Variants in LRRC63 observed in about 807,000 individuals in gnomAD.
LRRC63 encodes the protein leucine-rich repeat-containing protein 63.
LRRC63 carries 40 observed loss-of-function variants against 49.5 expected under a neutral mutation model. The ratio of observed to expected loss-of-function variants is 0.81; its 90% confidence interval spans 0.63 to 1.05. The LOEUF (loss-of-function observed/expected upper bound fraction) is 1.05, where lower values mean the gene tolerates loss of function less well. Among genes scored for constraint, LRRC63 ranks in the 50% least tolerant of loss-of-function variants. The pLI is 0.00. For synonymous variants in LRRC63, 191 were observed against 221.1 expected, an observed-to-expected ratio of 0.86 and a Z score of 1.21; for missense variants, 636 against 663.1, an observed-to-expected ratio of 0.96 and a Z score of 0.45.
chr13:46,246,999 C>T (rs545892990), intron 6 of LRRC63, among the ~76,000 whole-genome samples: 40 of 152,050 alleles, frequency 2.6e-4, no homozygotes, highest in Admixed American at 1.8e-3. Flanking sequence ...AATTACCAAA[C>T]GATAAAATAT....
intron 5 of LRRC63, among the ~76,000 whole-genome samples, chr13:46,239,427 A>G (rs1325976787): frequency 6.6e-6 from 1 of 152,176 alleles, no homozygotes; most frequent in Non-Finnish European, 1.5e-5. Flanking sequence ...TCCTCCCAAG[A>G]CTGAACCAGG....
chr13:46,250,659 A>G (rs994707358), intron 7 of LRRC63, among the ~76,000 whole-genome samples, 168 bp downstream of exon 7: 3 of 151,972 alleles, frequency 2.0e-5, no homozygotes, highest in Non-Finnish European at 2.9e-5. Context: ...CAATCCTACC[A>G]GCTACATACA....
chr13:46,237,492 A>C (rs1231864889), intron 5 of LRRC63, among the ~76,000 whole-genome samples: 1 of 152,186 alleles, frequency 6.6e-6, no homozygotes, highest in Non-Finnish European at 1.5e-5. Context: ...GGGTATGTGG[A>C]GAAGAAAAAT....
intron 7 of LRRC63, among the ~76,000 whole-genome samples, chr13:46,255,019 A>C (rs1195466087): frequency 1.3e-5 from 2 of 152,226 alleles, no homozygotes; most frequent in East Asian, 1.9e-4. Flanking sequence ...TCAAATGTCC[A>C]TTAACAGATT....
intron 9 of LRRC63, among the ~76,000 whole-genome samples, chr13:46,271,621 T>C (rs1372551062): frequency 6.6e-6 from 1 of 151,992 alleles, no homozygotes; most frequent in Non-Finnish European, 1.5e-5. Flanking sequence ...AGTCACTCAG[T>C]CTCACATACT....
chr13:46,269,906 C>T (rs868809719), intron 9 of LRRC63, among the ~76,000 whole-genome samples: 3,062 of 145,600 alleles, frequency 0.021, 60 homozygotes, highest in Non-Finnish European at 0.032. Flanking sequence ...ACACTATATA[C>T]ATATATATAT....
At chr13:46,238,462 T>C (rs1334114688) in intron 5 of LRRC63, among the ~76,000 whole-genome samples, 1 of 144,232 alleles carries the variant, frequency 6.9e-6, no homozygotes, top group Non-Finnish European at 1.5e-5. Context: ...TGAGACTGGG[T>C]AATTTATTAA....
At chr13:46,227,035 T>G (rs1254859894) in intron 2 of LRRC63, among the ~76,000 whole-genome samples, 2 of 152,242 alleles carry the variant, frequency 1.3e-5, no homozygotes, top group Non-Finnish European at 2.9e-5. Context: ...GTAACCACTA[T>G]CAGATTGTTA....
At chr13:46,247,953 A>G (rs1215759686) in intron 6 of LRRC63, among the ~76,000 whole-genome samples, 1 of 152,128 alleles carries the variant, frequency 6.6e-6, no homozygotes, top group East Asian at 1.9e-4. Context: ...GGTCTGTAAC[A>G]TATATGGATA....
At position 46,270,305 on chromosome 13, in the gene LRRC63, C is replaced by T. The variant is rs777376288; in HGVS notation, c.1550+3333C>T. The T allele has an allele frequency of 4.8e-6, 4 of 840,992 alleles. No homozygotes were observed. In the African/African-American group the frequency reaches 5.0e-5, roughly 10 times the overall value. The allele number at this position is 840,992 out of a possible 1,614,324, so 52.1% of individuals were successfully genotyped here. ...TCAGATCAGTCCCAACTGTAGCAGACTTCAGAACAAGGTCTCTGGGAAATT... is the reference window on the plus strand; with the variant it reads ...TCAGATCAGTCCCAACTGTAGCAGATTTCAGAACAAGGTCTCTGGGAAATT... On this transcript the variant is annotated intron_variant, in intron 9 of 9. Coordinates refer to ENST00000595396, the Ensembl canonical transcript of LRRC63.
intron 4 of LRRC63, among the ~76,000 whole-genome samples, chr13:46,229,180 A>G (rs1015834335): frequency 3.9e-5 from 6 of 152,244 alleles, no homozygotes; most frequent in African/African-American, 1.2e-4. Context: ...GAAAACTAGC[A>G]GAAACAATAA....
chr13:46,261,341 C>T (rs1029797952), intron 7 of LRRC63, among the ~76,000 whole-genome samples: 4 of 152,170 alleles, frequency 2.6e-5, no homozygotes, highest in African/African-American at 9.7e-5. Flanking sequence ...CTTATACTAA[C>T]TTGGATAAGG....
At chr13:46,238,804 G>C (rs1400073427) in intron 5 of LRRC63, among the ~76,000 whole-genome samples, 1 of 152,140 alleles carries the variant, frequency 6.6e-6, no homozygotes, top group Non-Finnish European at 1.5e-5. Context: ...TTGGACCACA[G>C]TACAATGAAA....
intron 5 of LRRC63, among the ~76,000 whole-genome samples, chr13:46,239,009 C>T (rs1019639597): frequency 2.0e-5 from 3 of 152,198 alleles, no homozygotes; most frequent in Non-Finnish European, 2.9e-5. Flanking sequence ...AAATTCATAG[C>T]ACTGAATGTC....
chr13:46,220,972 A>G (rs1327522991), intron 2 of LRRC63, among the ~76,000 whole-genome samples: 3 of 152,102 alleles, frequency 2.0e-5, no homozygotes, highest in Non-Finnish European at 2.9e-5. Context: ...ACCCAATCAG[A>G]CTGCCTTTTT....
At chr13:46,253,351 G>T (rs1171753690) in intron 7 of LRRC63, among the ~76,000 whole-genome samples, 1 of 151,930 alleles carries the variant, frequency 6.6e-6, no homozygotes, top group Non-Finnish European at 1.5e-5. Context: ...TAAAGGAAAA[G>T]GGGCATGATC....
chr13:46,269,721 A>G (rs2047729000), intron 9 of LRRC63, among the ~76,000 whole-genome samples: 1 of 150,674 alleles, frequency 6.6e-6, no homozygotes, highest in Non-Finnish European at 1.5e-5. Flanking sequence ...ATAAGATACT[A>G]TCAATGAAAT....
chr13:46,264,336 G>A (rs2047653233), intron 8 of LRRC63, among the ~76,000 whole-genome samples: 2 of 151,866 alleles, frequency 1.3e-5, no homozygotes, highest in Non-Finnish European at 2.9e-5. Context: ...CATCTGTTTC[G>A]TATTTTCTTC....
At chr13:46,274,646 G>A (rs903906263) in intron 9 of LRRC63, among the ~76,000 whole-genome samples, 1 of 152,174 alleles carries the variant, frequency 6.6e-6, no homozygotes, top group African/African-American at 2.4e-5. Flanking sequence ...GAAGACTCAT[G>A]TTCCACAGAT....
Sources: allele counts gnomAD v4.1 joint callset (sites outside exome capture counted in the v4.1 genomes callset), GRCh38; gene constraint gnomAD v4.1.1; transcripts MANE v1.5; gene names NCBI Gene and HGNC (gene_info 2026-07-23, HGNC 2026-07-21).